GPA33: variants seen among roughly 807,000 people sequenced by gnomAD.
GPA33 encodes the protein cell surface A33 antigen.
A neutral mutation model predicts 35.6 loss-of-function variants in GPA33; 27 were observed. The observed-to-expected ratio is 0.76, with a 90% confidence interval of 0.56 to 1.04. The LOEUF (loss-of-function observed/expected upper bound fraction) is 1.04. Among genes scored for constraint, GPA33 ranks in the 50% least tolerant of loss-of-function variants. GPA33 has a pLI of 0.00. For synonymous variants in GPA33, 176 were observed against 164.0 expected (o/e 1.07, Z -0.56); for missense variants, 428 against 411.9 (o/e 1.04, Z -0.34).
chr1:167,081,642 C>T lies in GPA33; in HGVS notation c.44-8103G>A, dbSNP rs765612383. Among the ~76,000 whole-genome samples, 10 of 152,230 alleles carry T rather than the reference C, an allele frequency of 6.6e-5. 1 individual carries two copies. Among genetic ancestry groups the T allele is most frequent in the Non-Finnish European group, 7.3e-5 (5 of 68,036 alleles). On this transcript the variant is annotated intron_variant, in intron 1 of 6. Transcript: ENST00000367868. ...AAAAATGATCAGAGGTGTGTTCACA[C>T]GCCATCTTGGAAGCCCCACCAGGAC...
rs1489477711 is a variant in GPA33, at chr1:167,055,095, G to C, written c.708C>G (p.Ala236=). The change falls in exon 6 of 7, where the codon GCC becomes GCG. Residue 236 remains alanine, a synonymous_variant. Transcript: ENST00000367868. ...CGCCCACCGCGATGCCCACATACAG[G>C]GCCACGTTCATGGAGGCTGCAAGAG... The part of the protein sequence containing the change: ...VAVRSPSMNV[A]LYVGIAVGVV... The C allele has an allele frequency of 2.5e-6, 4 of 1,613,266 alleles. No homozygotes were observed. Among genetic ancestry groups the C allele is most frequent in the Non-Finnish European group, 2.5e-6 (3 of 1,179,972 alleles).
At chr1:167,055,665 CT>C in intron 5 of GPA33, 64 bp downstream of exon 5, 1 of 1,590,440 alleles carries the variant, frequency 6.3e-7, no homozygotes, top group Non-Finnish European at 8.6e-7. Context: ...TCTCAGCTGA[CT>C]TTCTGGACCC....
intron 4 of GPA33, among the ~76,000 whole-genome samples, chr1:167,060,063 CTATT>C (rs1666401731): frequency 6.6e-6 from 1 of 151,986 alleles, no homozygotes; most frequent in South Asian, 2.1e-4. Context: ...CAGATTCTCT[CTATT>C]TATTTTTTGT....
chr1:167,055,790 A>G lies in GPA33; in HGVS notation c.631T>C (p.Cys211Arg). 6.2e-7 allele frequency: 1 copy of G among 1,613,736 alleles called. No homozygotes were observed. Among genetic ancestry groups the G allele is most frequent in the South Asian group, 1.1e-5 (1 of 91,048 alleles). The change falls in exon 5 of 7, where the codon TGT (cysteine) becomes CGT (arginine). Residue 211 changes from cysteine to arginine, a missense_variant. Transcript: ENST00000367868. ...ISTDTSGYYICTSSNEEGTQF... is the reference protein window; with the variant it reads ...ISTDTSGYYIRTSSNEEGTQF... ...GTCCCCTCCTCATTGCTGGAGGTAC[A>G]GATGTAGTAACCCGATGTGTCTGTG...
intron 1 of GPA33, among the ~76,000 whole-genome samples, chr1:167,077,705 G>A (rs1666852329): frequency 6.6e-6 from 1 of 152,158 alleles, no homozygotes; most frequent in Non-Finnish European, 1.5e-5. Context: ...CAAGATTAAA[G>A]GAATGTTAAG....
chr1:167,054,903 G>T (rs1180374322), intron 6 of GPA33, 73 bp downstream of exon 6: 14 of 1,530,714 alleles, frequency 9.1e-6, no homozygotes, highest in Non-Finnish European at 1.2e-5. Flanking sequence ...AGTAGAAGAG[G>T]CTGTGAGGAA....
chr1:167,055,679 A>T, intron 5 of GPA33, 51 bp downstream of exon 5: 1 of 1,604,130 alleles, frequency 6.2e-7, no homozygotes, highest in Non-Finnish European at 8.5e-7. Context: ...CTGGACCCCC[A>T]CCAGTTATCC....
chr1:167,069,058 G>T lies in GPA33; in HGVS notation c.279C>A (p.Asn93Lys). The T allele has an allele frequency of 6.2e-7, 1 of 1,613,456 alleles. No individual in the cohort carries two copies. The highest frequency in any genetic ancestry group is 1.7e-5 in the Admixed American group (1 of 60,034). The change falls in exon 3 of 7, where the codon AAC becomes AAA. Residue 93 changes from asparagine to lysine, a missense_variant. Transcript: ENST00000367868. Reference protein sequence around the residue: ...ELYKNRVSISNNAEQSDASIT... With the variant: ...ELYKNRVSISKNAEQSDASIT... ...TGGAGGCATCGGACTGCTCAGCATTGTTGGATATGCTGACGCGATTCTTAT... is the reference window on the plus strand; with the variant it reads ...TGGAGGCATCGGACTGCTCAGCATTTTTGGATATGCTGACGCGATTCTTAT...
At chr1:167,061,350 C>G (rs1240722042) in intron 4 of GPA33, among the ~76,000 whole-genome samples, 5 of 152,208 alleles carry the variant, frequency 3.3e-5, no homozygotes, top group Admixed American at 3.3e-4. Flanking sequence ...AGATCAGACA[C>G]TACCAGTGTC....
intron 1 of GPA33, among the ~76,000 whole-genome samples, chr1:167,082,542 G>A (rs949754674): frequency 1.3e-5 from 2 of 152,142 alleles, no homozygotes; most frequent in African/African-American, 4.8e-5. Flanking sequence ...TGCCAGCAAG[G>A]AAGAGTCTGA....
chr1:167,056,845 GTA>G (rs1362795457), intron 4 of GPA33, among the ~76,000 whole-genome samples: 12 of 144,510 alleles, frequency 8.3e-5, no homozygotes, highest in South Asian at 2.2e-4. Flanking sequence ...TGGTGAGTGT[GTA>G]ATGTGTGTGG....
At chr1:167,063,816 C>T (rs1201670038) in intron 3 of GPA33, 79 bp from the exon 4 acceptor site, 2 of 1,063,550 alleles carry the variant, frequency 1.9e-6, no homozygotes, top group Admixed American at 2.0e-5. Context: ...CCCACCCACC[C>T]CCCACACACA....
rs1571299096 is a variant in GPA33, at chr1:167,054,010, ATGCTCAGCGCTG to A, written c.*312_*323del. On this transcript the variant is annotated 3_prime_UTR_variant, in exon 7 of 7. Transcript: ENST00000367868. ...GGAGAGTTCTGAGTGGGAGCGCCCCATGCTCAGCGCTGTGCTTCCAGGAGCTCCTGCCAACTA... is the reference window on the plus strand; with the variant it reads ...GGAGAGTTCTGAGTGGGAGCGCCCCATGCTTCCAGGAGCTCCTGCCAACTA... The A allele has an allele frequency of 2.9e-6, 1 of 342,706 alleles. No individual in the cohort carries two copies. 21.2% of individuals were successfully genotyped at this position (342,706 alleles called of 1,614,324 possible).
At chr1:167,054,637 T>G (rs998177095) in intron 6 of GPA33, among the ~76,000 whole-genome samples, 171 bp from the exon 7 acceptor site, 6 of 152,114 alleles carry the variant, frequency 3.9e-5, no homozygotes, top group Non-Finnish European at 4.4e-5. Flanking sequence ...TGCCACAGAC[T>G]TGTTCCACGC....
chr1:167,066,751 C>A (rs1666600126), intron 3 of GPA33, among the ~76,000 whole-genome samples: 1 of 152,230 alleles, frequency 6.6e-6, no homozygotes, highest in Non-Finnish European at 1.5e-5. Flanking sequence ...GAAACGGAAC[C>A]AGTCGGGTGC....
At chr1:167,054,597 T>A in intron 6 of GPA33, 131 bp from the exon 7 acceptor site, 1 of 1,124,928 alleles carries the variant, frequency 8.9e-7, no homozygotes, top group South Asian at 1.5e-5. Flanking sequence ...CAGAGGACAC[T>A]GGGCTGAAAG....
In GPA33 at chr1:167,054,438, C is replaced by A. The variant is rs1393562476; in HGVS notation, c.856G>T (p.Glu286Ter). Residue 286 changes from glutamate to a stop codon, truncating the protein, a stop_gained, in exon 7 of 7, where the codon GAG (glutamate) becomes TAG (stop). Coordinates refer to ENST00000367868, the MANE Select transcript of GPA33 (RefSeq NM_005814.3). LOFTEE classifies it low-confidence loss of function (END_TRUNC). The stretch of plus-strand genomic sequence containing the variant: ...TCTCTGGAAAGTTCTCTTAGCTGCT[C>A]TGGTGGCTCCTCATAGGCTTCCCGG... ...PNREAYEEPPEQLRELSRERE... is the reference protein window; with the variant it reads ...PNREAYEEPP The A allele has an allele frequency of 6.2e-7, 1 of 1,614,100 alleles. No homozygotes were observed. The highest frequency in any genetic ancestry group is 1.1e-5 in the South Asian group (1 of 91,074).
intron 4 of GPA33, among the ~76,000 whole-genome samples, chr1:167,059,364 T>C (rs1666382293): frequency 6.6e-6 from 1 of 152,164 alleles, no homozygotes; most frequent in African/African-American, 2.4e-5. Context: ...CACAGGACGG[T>C]CATACGCTTC....
chr1:167,067,255 C>A (rs1280176361), intron 3 of GPA33, among the ~76,000 whole-genome samples: 1 of 151,218 alleles, frequency 6.6e-6, no homozygotes, highest in East Asian at 1.9e-4. Flanking sequence ...ACCTCCCCAA[C>A]TCAAGAGATC....
Sources: gnomAD v4.1 joint callset for allele counts (sites outside exome capture counted in the v4.1 genomes callset) on GRCh38, gnomAD v4.1.1 for gene constraint, MANE v1.5 for transcripts, NCBI Gene and HGNC (gene_info 2026-07-23, HGNC 2026-07-21) for gene names.